Variants in RNF213 observed in about 807,000 individuals in gnomAD.
RNF213 encodes E3 ubiquitin-protein ligase RNF213.
Under a neutral mutation model 514.4 loss-of-function variants are expected in RNF213, and 341 were observed. The observed-to-expected ratio is 0.66, with a 90% CI of 0.61 to 0.73. RNF213 has a LOEUF of 0.73. Ranked by LOEUF, RNF213 falls within the 30% of genes least tolerant of loss-of-function variation. RNF213 has a pLI of 0.00. For synonymous variants in RNF213, 2,655 were observed against 2,658.2 expected, an observed-to-expected ratio of 1.00 and a Z score of 0.04; for missense variants, 5,767 against 6,615.6, an observed-to-expected ratio of 0.87 and a Z score of 4.45.
chr17:80,364,778 A>C (rs2079195331), intron 42 of RNF213: 1 of 544,884 alleles, frequency 1.8e-6, no homozygotes. Flanking sequence ...TATCATTTAG[A>C]AGTGATTCCA....
chr17:80,327,021 T>A (rs9913473), intron 18 of RNF213, among the ~76,000 whole-genome samples: 98,158 of 152,046 alleles, frequency 0.65, 32,528 homozygotes, highest in Middle Eastern at 0.68. Context: ...GATAATGAAG[T>A]TGTACAGAGT....
intron 23 of RNF213, 98 bp from the exon 24 acceptor site, chr17:80,337,488 T>C (rs1262202785): frequency 1.4e-6 from 2 of 1,461,754 alleles, no homozygotes; most frequent in African/African-American, 1.4e-5. Context: ...GGGAGAAGGC[T>C]CTGCAGCGAG....
intron 8 of RNF213, 133 bp downstream of exon 8, chr17:80,291,960 C>T (rs1568022178): frequency 1.1e-5 from 10 of 907,450 alleles, no homozygotes; most frequent in East Asian, 2.6e-5. Flanking sequence ...GCATTGACCC[C>T]GCCCCAGCCT....
chr17:80,343,209 A>G lies in RNF213; in HGVS notation c.6067A>G (p.Ile2023Val), dbSNP rs768536023. The G allele has an allele frequency of 2.3e-5, 37 of 1,613,978 alleles. No homozygotes were observed. The highest frequency in any genetic ancestry group is 2.8e-5 in the Non-Finnish European group (33 of 1,179,976). The change falls in exon 27 of 68, where the codon ATT becomes GTT. Residue 2023 changes from isoleucine (I) to valine (V), a missense_variant. Coordinates refer to ENST00000582970, the MANE Select transcript of RNF213 (RefSeq NM_001256071.3). The surrounding 1 kb of genome is among the most constrained non-coding windows in gnomAD (Gnocchi z 4.3). ...CGTGAAAAATGTGCCTCTGAAAACA[A>G]TTCGACTGATCGACCCTCAGGTGGA... ...LNVKNVPLKT[I>V]RLIDPQVDES...
rs2078255312 is a variant in RNF213 at position 80,344,740 on chromosome 17, C to T, written c.6405C>T (p.Pro2135=). The change falls in exon 29 of 68, where the codon CCC becomes CCT. Residue 2135 remains proline (P), a synonymous_variant. Coordinates refer to ENST00000582970, the MANE Select transcript of RNF213 (RefSeq NM_001256071.3). Reference sequence around the variant, plus strand: ...TCCCAAAAGTCACCTGCAGGCCTCCCAAAGAGGTGATAGACATGGAGCTGA... The same window carrying T: ...TCCCAAAAGTCACCTGCAGGCCTCCTAAAGAGGTGATAGACATGGAGCTGA... ...DIFPKVTCRP[P]KEVIDMELSA... is the part of the protein sequence containing the mutation. 1.2e-6 allele frequency: 2 copies of T among 1,614,104 alleles called. No homozygotes were observed. Among genetic ancestry groups the T allele is most frequent in the Admixed American group, 1.7e-5 (1 of 59,998 alleles).
rs578235859 is a variant in RNF213 at position 80,297,248 on chromosome 17, G to A, written c.2013-1073G>A. Among the ~76,000 whole-genome samples, 69 of 149,916 alleles carry A rather than the reference G, an allele frequency of 4.6e-4. 1 individual carries two copies. The East Asian group carries it at 0.014, about 30-fold the overall frequency. Reference sequence around the variant, plus strand: ...AGGCGGATCACAAGGTCAGGAGTTCGAGACCAGCCTGACCAACATGGTGAA... The same window carrying A: ...AGGCGGATCACAAGGTCAGGAGTTCAAGACCAGCCTGACCAACATGGTGAA... On this transcript the variant is annotated intron_variant, in intron 10 of 67. Coordinates refer to ENST00000582970, the MANE Select transcript of RNF213 (RefSeq NM_001256071.3).
At chr17:80,340,416 C>G in intron 26 of RNF213, 60 bp downstream of exon 26, 8 of 1,492,054 alleles carry the variant, frequency 5.4e-6, no homozygotes, top group South Asian at 1.2e-5. Context: ...GGGCCCTTCC[C>G]CCCTCCAGCA....
rs754883579 is a variant in RNF213 at position 80,290,636 on chromosome 17, C to G, written c.1179C>G (p.Phe393Leu). 13 of 1,614,160 alleles carry G rather than the reference C, an allele frequency of 8.1e-6. No homozygotes were observed. The Admixed American group carries it at 2.2e-4, about 27-fold the overall frequency. ...FHAIISLHFP[F>L]NPDLHKVFIR... ...CCATCATCTCTCTTCATTTCCCATT[C>G]AATCCTGACCTCCATAAAGTCTTCA... The change falls in exon 7 of 68, where the codon TTC becomes TTG. Residue 393 changes from phenylalanine (F) to leucine (L), a missense_variant. Physicochemically the swap from Phe to Leu is conservative, Grantham distance 22 (BLOSUM62 0). Transcript: ENST00000582970.
At chr17:80,368,177 TTTTTCA>T (rs1258352659) in intron 44 of RNF213, 34 bp downstream of exon 44, 2 of 1,609,014 alleles carry the variant, frequency 1.2e-6, no homozygotes, top group Non-Finnish European at 1.7e-6. Flanking sequence ...AAGCATCCTT[TTTTTCA>T]TTTTCCTTTT....
At position 80,313,129 on chromosome 17, in the gene RNF213, T is replaced by C; in HGVS notation, c.2773T>C (p.Ser925Pro). Residue 925 changes from serine to proline, a missense_variant, in exon 15 of 68, where the codon TCT becomes CCT. Physicochemically the swap from Ser to Pro is moderately conservative, Grantham distance 74. Coordinates refer to ENST00000582970, the MANE Select transcript of RNF213 (RefSeq NM_001256071.3). ...REVFTKNMLT[S>P]SGASFTYVKE... ...AGTTTTTACAAAGAACATGCTCACA[T>C]CTTCAGGTGCCTCATTCACATACGT... The C allele has an allele frequency of 6.2e-7, 1 of 1,614,146 alleles. No individual in the cohort carries two copies. The highest frequency in any genetic ancestry group is 8.5e-7 in the Non-Finnish European group (1 of 1,180,044).
Position 80,304,048 on chromosome 17 carries a change from T to C in RNF213, c.2211-2204T>C, listed in dbSNP as rs1033152272. 4.0e-5 allele frequency among the ~76,000 whole-genome samples: 6 copies of C among 151,582 alleles called. No individual in the cohort carries two copies. In the Admixed American group the frequency reaches 4.0e-4, roughly 10 times the overall value. On this transcript the variant is annotated intron_variant, in intron 11 of 67. Transcript: ENST00000582970. Reference sequence around the variant, plus strand: ...CTAGAAAGGCTAGATATAGTAGAAATATAGAGTACCTTTTATTATTATTGC... The same window carrying C: ...CTAGAAAGGCTAGATATAGTAGAAACATAGAGTACCTTTTATTATTATTGC...
chr17:80,372,863 G>A (rs1190305060), intron 48 of RNF213, 112 bp from the exon 49 acceptor site: 5 of 1,371,550 alleles, frequency 3.6e-6, no homozygotes, highest in Middle Eastern at 1.8e-4. Context: ...TCCCCTGGAT[G>A]TGTTTCTGTG....
chr17:80,340,288 T>G lies in RNF213; in HGVS notation c.5921T>G (p.Leu1974Arg), dbSNP rs773557485. Residue 1974 changes from leucine (L) to arginine (R), a missense_variant, in exon 26 of 68, where the codon CTG becomes CGG. By Grantham distance (102) the Leu-to-Arg change is moderately radical (BLOSUM62 -2). Transcript: ENST00000582970. Reference sequence around the variant, plus strand: ...CACTACCGGGTCCCGAAGCAGACCCTGTCGGCGGCAGCCGTGTTCAATGAC... The same window carrying G: ...CACTACCGGGTCCCGAAGCAGACCCGGTCGGCGGCAGCCGTGTTCAATGAC... ...AGHYRVPKQT[L>R]SAAAVFNDRL... is the part of the protein sequence containing the mutation. 35 of 1,613,670 alleles carry G rather than the reference T, an allele frequency of 2.2e-5. No individual in the cohort carries two copies. The highest frequency in any genetic ancestry group is 2.6e-5 in the Non-Finnish European group (31 of 1,179,976).
Position 80,397,009 on chromosome 17 carries a change from T to C in RNF213, c.*3511T>C, listed in dbSNP as rs2080679927. 6.6e-6 allele frequency: 1 copy of C among 152,236 alleles called. No individual in the cohort carries two copies. The highest frequency in any genetic ancestry group is 1.5e-5 in the Non-Finnish European group (1 of 68,096). 9.4% of individuals were successfully genotyped at this position (152,236 alleles called of 1,614,324 possible). A position where few individuals can be genotyped will look rare whatever the true frequency, so the allele number is the denominator to read the frequency against. ...CTAAACTTACTATAAGGGTCCTACCTTCCCCAGTATTCCTTCATGATCACT... is the reference window on the plus strand; with the variant it reads ...CTAAACTTACTATAAGGGTCCTACCCTCCCCAGTATTCCTTCATGATCACT... On this transcript the variant is annotated 3_prime_UTR_variant, in exon 68 of 68. Transcript: ENST00000582970.
chr17:80,281,839 G>A (rs907075711), intron 3 of RNF213, among the ~76,000 whole-genome samples: 5 of 152,090 alleles, frequency 3.3e-5, no homozygotes, highest in Non-Finnish European at 5.9e-5. Flanking sequence ...CACAGCATCC[G>A]CCTGTACACT....
chr17:80,347,365 G>C lies in RNF213; in HGVS notation c.9030G>C (p.Glu3010Asp). The C allele has an allele frequency of 6.2e-7, 1 of 1,613,978 alleles. No individual in the cohort carries two copies. Among genetic ancestry groups the C allele is most frequent in the Non-Finnish European group, 8.5e-7 (1 of 1,180,046 alleles). The change falls in exon 29 of 68, where the codon GAG becomes GAC. Residue 3010 changes from glutamate (E) to aspartate (D), a missense_variant. Physicochemically the swap from Glu to Asp is conservative, Grantham distance 45. Coordinates refer to ENST00000582970, the MANE Select transcript of RNF213 (RefSeq NM_001256071.3). The surrounding 1 kb of genome is among the most constrained non-coding windows in gnomAD (Gnocchi z 7.2). ...ATTTGCCCGAGGCCAAGTGCTCAGA[G>C]GAAGTCAGCCCCATGCAGCTGATCA... ...LANLPEAKCS[E>D]EVSPMQLIKQ...
At chr17:80,380,689 A>G (rs973994764) in intron 55 of RNF213, 142 bp from the exon 56 acceptor site, 8 of 982,944 alleles carry the variant, frequency 8.1e-6, no homozygotes, top group African/African-American at 4.8e-5. Flanking sequence ...TCTTAGGAAC[A>G]TGGTCCAGGC....
rs1235190270 is a variant in RNF213, at chr17:80,334,098, C to T, written c.4144-7C>T. 1.3e-6 allele frequency: 2 copies of T among 1,537,168 alleles called. No homozygotes were observed. Among genetic ancestry groups the T allele is most frequent in the East Asian group, 4.9e-5 (2 of 40,902 alleles). On this transcript the variant is annotated splice_region_variant and splice_polypyrimidine_tract_variant and intron_variant, in intron 21 of 67. Transcript: ENST00000582970. ...GTTCCAGTCCACAGTAGAGCTTTTT[C>T]TTGCAGACTGATAACTTCGACGACT...
chr17:80,289,927 C>A, intron 6 of RNF213, 90 bp downstream of exon 6: 1 of 1,391,236 alleles, frequency 7.2e-7, no homozygotes, highest in Non-Finnish European at 1.0e-6. Flanking sequence ...GATATCCAGG[C>A]TGCCCTTCTA....
Sources: allele counts gnomAD v4.1 joint callset (sites outside exome capture counted in the v4.1 genomes callset), GRCh38; gene constraint gnomAD v4.1.1; non-coding constraint Gnocchi (gnomAD v3.1); transcripts MANE v1.5; gene names NCBI Gene and HGNC (gene_info 2026-07-23, HGNC 2026-07-21).